CDH19: variants seen among roughly 807,000 people sequenced by gnomAD.
The protein encoded by CDH19 is cadherin-19.
In CDH19, 67 loss-of-function variants were observed where a neutral mutation model predicts 64.2. The observed-to-expected ratio is 1.04, with a 90% CI of 0.86 to 1.28. CDH19 has a LOEUF of 1.28. CDH19 is among the 50% of genes most tolerant of loss of function. The probability of loss-of-function intolerance (pLI) is 0.00; values close to 1 mark genes in which losing one functional copy is unlikely to be tolerated. For missense variants in CDH19, 1,030 were observed against 929.0 expected, an observed-to-expected ratio of 1.11 and a Z score of -1.41; for synonymous variants, 346 against 319.3, an observed-to-expected ratio of 1.08 and a Z score of -0.89.
In CDH19 at chr18:66,505,197, C is replaced by A. The variant is rs55874520; in HGVS notation, c.1934G>T (p.Gly645Val). 3.3e-5 allele frequency: 53 copies of A among 1,612,930 alleles called. No individual in the cohort carries two copies. Among genetic ancestry groups the A allele is most frequent in the African/African-American group, 4.0e-5 (3 of 74,830 alleles). The change falls in exon 12 of 12, where the codon GGG becomes GTG. Residue 645 changes from glycine (G) to valine (V), a missense_variant. Transcript: ENST00000262150. ...GGCCTCTGTATCTTCTTCTCCACCC[C>A]CTTCATCATCATATTGGAATATATT... ...RENIFQYDDE[G>V]GGEEDTEAFD...
chr18:66,511,839 G>GT (rs3831434), intron 9 of CDH19, among the ~76,000 whole-genome samples, 154 bp from the exon 10 acceptor site: 34,835 of 151,262 alleles, frequency 0.23, 4,436 homozygotes, highest in East Asian at 0.46. Flanking sequence ...ATATTAAAAT[G>GT]TTTTTTCTCA....
intron 1 of CDH19, among the ~76,000 whole-genome samples, chr18:66,594,158 C>T (rs1028543051): frequency 2.0e-4 from 31 of 151,968 alleles, no homozygotes; most frequent in African/African-American, 4.3e-4. Context: ...CTATCAAAAA[C>T]GACAAAAATC....
intron 7 of CDH19, among the ~76,000 whole-genome samples, chr18:66,539,584 AAT>A (rs1194247795): frequency 3.3e-5 from 5 of 152,134 alleles, no homozygotes; most frequent in Admixed American, 1.3e-4. Flanking sequence ...AAACTATTTT[AAT>A]ATATAGACAC....
At position 66,554,456 on chromosome 18, in the gene CDH19, G is replaced by A. The variant is rs1253167944; in HGVS notation, c.559C>T (p.Leu187Phe). 1 of 1,611,836 alleles carries A rather than the reference G, an allele frequency of 6.2e-7. No individual in the cohort carries two copies. The highest frequency in any genetic ancestry group is 1.7e-5 in the Admixed American group (1 of 59,852). ...DPSSGNNARL[L>F]YSLLQGQPYF... ...GGCTGGCCTTGAAGTAAGCTGTAGA[G>A]GAGACGAGCATTATTACCACTTGAG... The change falls in exon 4 of 12, where the codon CTC becomes TTC. Residue 187 changes from leucine to phenylalanine, a missense_variant. Coordinates refer to ENST00000262150, the MANE Select transcript of CDH19 (RefSeq NM_021153.4).
chr18:66,561,606 G>A (rs1000543895), intron 3 of CDH19, among the ~76,000 whole-genome samples: 6 of 152,050 alleles, frequency 3.9e-5, no homozygotes, highest in Admixed American at 1.3e-4. Flanking sequence ...TTGGGGGACC[G>A]AAGGGTCCAA....
intron 4 of CDH19, among the ~76,000 whole-genome samples, chr18:66,553,656 G>GTT (rs1751658051): frequency 7.6e-6 from 1 of 132,160 alleles, no homozygotes; most frequent in Admixed American, 7.3e-5. Context: ...TGGGTGATTA[G>GTT]TTATATATAT....
intron 9 of CDH19, among the ~76,000 whole-genome samples, chr18:66,525,355 T>C (rs1223827182): frequency 6.6e-6 from 1 of 152,158 alleles, no homozygotes; most frequent in East Asian, 1.9e-4. Flanking sequence ...TGAAAGCATT[T>C]TTTTTTAGAG....
intron 7 of CDH19, among the ~76,000 whole-genome samples, chr18:66,539,420 G>A (rs1986800940): frequency 6.6e-6 from 1 of 151,970 alleles, no homozygotes; most frequent in East Asian, 1.9e-4. Flanking sequence ...TAGATACTCT[G>A]TATCTGTTTA....
In CDH19 at chr18:66,548,482, A is replaced by T. The variant is rs149830506; in HGVS notation, c.775+2612T>A. On this transcript the variant is annotated intron_variant, in intron 5 of 11. Coordinates refer to ENST00000262150, the MANE Select transcript of CDH19 (RefSeq NM_021153.4). ...CTGACTCACAAATGTTCCGAAGTTT[A>T]AAGTATACAAAGAAAAGGCAAGGAA... Among the ~76,000 whole-genome samples, 886 of 94,518 alleles carry T rather than the reference A, an allele frequency of 9.4e-3. 11 individuals are homozygous for T. The highest frequency in any genetic ancestry group is 0.042 in the African/African-American group (727 of 17,426). 62.0% of individuals were successfully genotyped at this position (94,518 alleles called of 152,430 possible). A position where few individuals can be genotyped will look rare whatever the true frequency, so the allele number is the denominator to read the frequency against.
rs1298265205 is a variant in CDH19 at position 66,502,197 on chromosome 18, C to T, written c.*2615G>A. 6.6e-6 allele frequency: 1 copy of T among 151,900 alleles called. No individual in the cohort carries two copies. Among genetic ancestry groups the T allele is most frequent in the Non-Finnish European group, 1.5e-5 (1 of 67,962 alleles). 9.4% of individuals were successfully genotyped at this position (151,900 alleles called of 1,614,324 possible). On this transcript the variant is annotated 3_prime_UTR_variant, in exon 12 of 12. Coordinates refer to ENST00000262150, the MANE Select transcript of CDH19 (RefSeq NM_021153.4). ...AAGTATAATTCCTAGGAAGTTGCAC[C>T]TTCTGTATTAGAATCAGATAGTATC...
intron 9 of CDH19, among the ~76,000 whole-genome samples, chr18:66,512,396 T>C (rs1344906389): frequency 2.6e-5 from 4 of 151,688 alleles, no homozygotes; most frequent in East Asian, 3.9e-4. Context: ...CAAGATCACA[T>C]AGTGAGATTG....
intron 7 of CDH19, among the ~76,000 whole-genome samples, chr18:66,539,656 G>T (rs1986811505): frequency 6.6e-6 from 1 of 151,920 alleles, no homozygotes; most frequent in South Asian, 2.1e-4. Flanking sequence ...TTCACAAATA[G>T]CTCAAATTAC....
chr18:66,601,663 G>C (rs748859925), intron 1 of CDH19, among the ~76,000 whole-genome samples: 2 of 151,942 alleles, frequency 1.3e-5, no homozygotes, highest in Non-Finnish European at 2.9e-5. Flanking sequence ...GTATTCTAGA[G>C]TATGTTTTAA....
At chr18:66,585,047 CAGTTGAACA>C (rs1988536065) in intron 1 of CDH19, among the ~76,000 whole-genome samples, 1 of 151,936 alleles carries the variant, frequency 6.6e-6, no homozygotes, top group South Asian at 2.1e-4. Flanking sequence ...ATTGGTCTCA[CAGTTGAACA>C]AACGACCAAC....
At chr18:66,521,525 T>TATTTATTTA (rs1158647660) in intron 9 of CDH19, among the ~76,000 whole-genome samples, 2,978 of 47,206 alleles carry the variant, frequency 0.063, 82 homozygotes, top group African/African-American at 0.15. Context: ...TTTATTTATT[T>TATTTATTTA]TGTTTGTTTG....
intron 1 of CDH19, among the ~76,000 whole-genome samples, chr18:66,589,577 C>A (rs1003637021): frequency 6.6e-6 from 1 of 151,870 alleles, no homozygotes; most frequent in African/African-American, 2.4e-5. Flanking sequence ...TTCAGCACAT[C>A]TCTCTATAAC....
intron 5 of CDH19, among the ~76,000 whole-genome samples, chr18:66,546,786 G>A (rs1291524034): frequency 1.3e-5 from 2 of 152,096 alleles, no homozygotes; most frequent in Admixed American, 1.3e-4. Context: ...GAGTATCTGG[G>A]GAAATATAAT....
intron 1 of CDH19, among the ~76,000 whole-genome samples, chr18:66,600,137 A>G (rs1989002918): frequency 6.6e-6 from 1 of 151,834 alleles, no homozygotes; most frequent in Non-Finnish European, 1.5e-5. Context: ...GTATAATCTA[A>G]ATGCGTGACT....
At chr18:66,514,236 T>C (rs545166397) in intron 9 of CDH19, among the ~76,000 whole-genome samples, 1 of 151,592 alleles carries the variant, frequency 6.6e-6, no homozygotes, top group African/African-American at 2.4e-5. Flanking sequence ...ATATTGTTCA[T>C]ATCCTAGACT....
Sources: gnomAD v4.1 joint callset for allele counts (sites outside exome capture counted in the v4.1 genomes callset) on GRCh38, gnomAD v4.1.1 for gene constraint, MANE v1.5 for transcripts, NCBI Gene and HGNC (gene_info 2026-07-23, HGNC 2026-07-21) for gene names.